SCUBE3: variants seen among roughly 807,000 people sequenced by gnomAD.
SCUBE3 encodes signal peptide, CUB domain and EGF like domain containing 3, also known as signal peptide, CUB and EGF-like domain-containing protein 3.
A neutral mutation model predicts 116.8 loss-of-function variants in SCUBE3; 33 were observed. The observed-to-expected ratio is 0.28, with a 90% CI of 0.21 to 0.38. The LOEUF is 0.38. Ranked by LOEUF, SCUBE3 falls within the 10% of genes least tolerant of loss-of-function variation. The probability of loss-of-function intolerance (pLI) is 1.00; values close to 1 mark genes in which losing one functional copy is unlikely to be tolerated. For synonymous variants in SCUBE3, 418 were observed against 496.9 expected (o/e 0.84, Z 2.11); for missense variants, 1,007 against 1,324.8 (o/e 0.76, Z 3.72).
Position 35,245,298 on chromosome 6 carries a change from C to T in SCUBE3, c.2472C>T (p.Tyr824=). The T allele has an allele frequency of 3.1e-6, 5 of 1,614,102 alleles. No individual in the cohort carries two copies. The highest frequency in any genetic ancestry group is 4.2e-6 in the Non-Finnish European group (5 of 1,179,976). The change falls in exon 19 of 22, where the codon TAC becomes TAT. Residue 824 remains tyrosine (Y), a synonymous_variant. Coordinates refer to ENST00000274938, the MANE Select transcript of SCUBE3 (RefSeq NM_152753.4). This position sits in a 1 kb window ranked among gnomAD's most constrained non-coding sequence, Gnocchi z 4.2. The part of the protein sequence containing the change: ...YIESPNYPGN[Y]PAGVECIWNI... ...AGTCCCCCAACTACCCGGGCAACTACCCAGCTGGTGTGGAGTGCATCTGGA... is the reference window on the plus strand; with the variant it reads ...AGTCCCCCAACTACCCGGGCAACTATCCAGCTGGTGTGGAGTGCATCTGGA...
At chr6:35,226,516 A>AC (rs1179398384) in intron 1 of SCUBE3, among the ~76,000 whole-genome samples, 1 of 99,616 alleles carries the variant, frequency 1.0e-5, no homozygotes, top group Non-Finnish European at 1.7e-5. Context: ...ATAGAGTCTC[A>AC]CTGTCGCCCA....
At position 35,250,202 on chromosome 6, in the gene SCUBE3, T is replaced by C. The variant is rs926400773; in HGVS notation, c.*1497T>C. The C allele has an allele frequency of 3.3e-5, 5 of 152,312 alleles. No homozygotes were observed. The highest frequency in any genetic ancestry group is 7.2e-5 in the African/African-American group (3 of 41,454). 9.4% of individuals were successfully genotyped at this position (152,312 alleles called of 1,614,324 possible). A position where few individuals can be genotyped will look rare whatever the true frequency, so the allele number is the denominator to read the frequency against. On this transcript the variant is annotated 3_prime_UTR_variant, in exon 22 of 22. Transcript: ENST00000274938. ...AGCAGAAAGGAGAGAGACCTATGTT[T>C]GCTAAACCAATCTTGCTATCCCTAT...
chr6:35,248,452 G>A, intron 21 of SCUBE3, 104 bp from the exon 22 acceptor site: 1 of 1,080,844 alleles, frequency 9.3e-7, no homozygotes, highest in Non-Finnish European at 1.4e-6. Flanking sequence ...GATATATTCA[G>A]TATAGGATGC....
In SCUBE3 at chr6:35,228,188, A is replaced by T. The variant is rs1783403114; in HGVS notation, c.209-426A>T. Among the ~76,000 whole-genome samples, 1 of 152,192 alleles carries T rather than the reference A, an allele frequency of 6.6e-6. No individual in the cohort carries two copies. Among genetic ancestry groups the T allele is most frequent in the Non-Finnish European group, 1.5e-5 (1 of 68,034 alleles). ...CTTTAGTGGACAGGGTACACTTGTT[A>T]ATTCCTAGTTGCATTATAAATTGAA... is the stretch of plus-strand genomic sequence containing the variant. On this transcript the variant is annotated intron_variant, in intron 2 of 21. Coordinates refer to ENST00000274938, the MANE Select transcript of SCUBE3 (RefSeq NM_152753.4). This position sits in a 1 kb window ranked among gnomAD's most constrained non-coding sequence, Gnocchi z 4.9.
At position 35,244,866 on chromosome 6, in the gene SCUBE3, A is replaced by C. The variant is rs1784262766; in HGVS notation, c.2401+55A>C. 1.3e-6 allele frequency: 2 copies of C among 1,569,612 alleles called. No homozygotes were observed. Among genetic ancestry groups the C allele is most frequent in the African/African-American group, 2.7e-5 (2 of 74,166 alleles). On this transcript the variant is annotated intron_variant, in intron 18 of 21. Coordinates refer to ENST00000274938, the MANE Select transcript of SCUBE3 (RefSeq NM_152753.4). This position sits in a 1 kb window ranked among gnomAD's most constrained non-coding sequence, Gnocchi z 4.3. ...GAGGAGAGAGGCCTGGGAGCAGTGG[A>C]CATCTAAAGGAGGGGTGTGAAACCA... is the stretch of plus-strand genomic sequence containing the variant.
chr6:35,226,480 CTTTTTT>C lies in SCUBE3; in HGVS notation c.86-1083_86-1078del, dbSNP rs764779695. ...CAGAAGTTGGACTCTTTTCTATGTC[CTTTTTT>C]TTTTTTTTTTTTTTTTGAGATAGAG... On this transcript the variant is annotated intron_variant, in intron 1 of 21. Coordinates refer to ENST00000274938, the MANE Select transcript of SCUBE3 (RefSeq NM_152753.4). Among the ~76,000 whole-genome samples, 25 of 85,234 alleles carry C rather than the reference CTTTTTT, an allele frequency of 2.9e-4. 2 individuals are homozygous for C. In the East Asian group the frequency reaches 0.011, roughly 39 times the overall value. 55.9% of individuals were successfully genotyped at this position (85,234 alleles called of 152,430 possible).
chr6:35,223,852 T>C (rs1783210333), intron 1 of SCUBE3: 1 of 152,218 alleles, frequency 6.6e-6, no homozygotes, highest in African/African-American at 2.4e-5. Flanking sequence ...TTTGGGGCCC[T>C]CTTTCACAGC....
Position 35,235,476 on chromosome 6 carries a change from C to A in SCUBE3, c.712+2175C>A, listed in dbSNP as rs1427239957. ...AGGCGGCTAGAGCAGCACATCCCCACTCAAGCCGTTTCTAATGGTAAATAT... is the reference window on the plus strand; with the variant it reads ...AGGCGGCTAGAGCAGCACATCCCCAATCAAGCCGTTTCTAATGGTAAATAT... On this transcript the variant is annotated intron_variant, in intron 6 of 21. Transcript: ENST00000274938. This position sits in a 1 kb window ranked among gnomAD's most constrained non-coding sequence, Gnocchi z 4.5. 5.4e-6 allele frequency: 7 copies of A among 1,287,454 alleles called. No individual in the cohort carries two copies. The highest frequency in any genetic ancestry group is 7.1e-6 in the Non-Finnish European group (7 of 986,738). The allele number at this position is 1,287,454 out of a possible 1,614,324, so 79.8% of individuals were successfully genotyped here.
At position 35,231,909 on chromosome 6, in the gene SCUBE3, C is replaced by T. The variant is rs749114219; in HGVS notation, c.469+50C>T. The T allele has an allele frequency of 3.9e-6, 6 of 1,538,754 alleles. No homozygotes were observed. The highest frequency in any genetic ancestry group is 4.4e-6 in the Non-Finnish European group (5 of 1,126,144). On this transcript the variant is annotated intron_variant, in intron 4 of 21. Coordinates refer to ENST00000274938, the MANE Select transcript of SCUBE3 (RefSeq NM_152753.4). This position sits in a 1 kb window ranked among gnomAD's most constrained non-coding sequence, Gnocchi z 4.2. ...CCATCCCTGCCCTCCCCAGGCTTCTCTTCCCAGCTGTCCCTCAGCAGCCCC... is the reference window on the plus strand; with the variant it reads ...CCATCCCTGCCCTCCCCAGGCTTCTTTTCCCAGCTGTCCCTCAGCAGCCCC...
intron 1 of SCUBE3, chr6:35,220,517 A>G (rs1438088822): frequency 6.6e-6 from 1 of 152,202 alleles, no homozygotes; most frequent in Non-Finnish European, 1.5e-5. Context: ...CCATCCTCTA[A>G]AAGTCTCTGA....
intron 1 of SCUBE3, among the ~76,000 whole-genome samples, chr6:35,215,550 G>C (rs956982327): frequency 1.3e-5 from 2 of 152,326 alleles, no homozygotes; most frequent in Non-Finnish European, 2.9e-5. Flanking sequence ...GAAGCCAGCT[G>C]GGTGAGGAGA....
In SCUBE3 at chr6:35,231,918, T is replaced by C; in HGVS notation, c.469+59T>C. On this transcript the variant is annotated intron_variant, in intron 4 of 21. Transcript: ENST00000274938. This position sits in a 1 kb window ranked among gnomAD's most constrained non-coding sequence, Gnocchi z 4.2. ...CCCTCCCCAGGCTTCTCTTCCCAGCTGTCCCTCAGCAGCCCCTAAGTCTCA... is the reference window on the plus strand; with the variant it reads ...CCCTCCCCAGGCTTCTCTTCCCAGCCGTCCCTCAGCAGCCCCTAAGTCTCA... The C allele has an allele frequency of 6.7e-7, 1 of 1,491,024 alleles. No homozygotes were observed. The highest frequency in any genetic ancestry group is 9.2e-7 in the Non-Finnish European group (1 of 1,089,028). 92.4% of individuals were successfully genotyped at this position (1,491,024 alleles called of 1,614,324 possible).
rs1335008106 is a variant in SCUBE3 at position 35,240,636 on chromosome 6, G to A, written c.1069+146G>A. ...TGCATCCGCTGTGACAAAATAGGAG[G>A]AATTAAGACAGCTTTTGAAGAACTG... On this transcript the variant is annotated intron_variant, in intron 9 of 21. Transcript: ENST00000274938. This position sits in a 1 kb window ranked among gnomAD's most constrained non-coding sequence, Gnocchi z 4.6. 12 of 533,496 alleles carry A rather than the reference G, an allele frequency of 2.2e-5. No homozygotes were observed. In the East Asian group the frequency reaches 3.3e-4, roughly 15 times the overall value. The allele number at this position is 533,496 out of a possible 1,614,324, so 33.0% of individuals were successfully genotyped here.
chr6:35,228,473 G>A lies in SCUBE3; in HGVS notation c.209-141G>A. 1 of 685,472 alleles carries A rather than the reference G, an allele frequency of 1.5e-6. No individual in the cohort carries two copies. Among genetic ancestry groups the A allele is most frequent in the Non-Finnish European group, 2.4e-6 (1 of 424,960 alleles). The allele number at this position is 685,472 out of a possible 1,614,324, so 42.5% of individuals were successfully genotyped here. A position where few individuals can be genotyped will look rare whatever the true frequency, so the allele number is the denominator to read the frequency against. ...GAGACCTGAAAATGTTCATGACTTA[G>A]GTTTAAATGAAAACAGAAAAATGCT... On this transcript the variant is annotated intron_variant, in intron 2 of 21. Coordinates refer to ENST00000274938, the MANE Select transcript of SCUBE3 (RefSeq NM_152753.4). This position sits in a 1 kb window ranked among gnomAD's most constrained non-coding sequence, Gnocchi z 4.9.
Position 35,243,531 on chromosome 6 carries a change from G to T in SCUBE3, c.1910-63G>T, listed in dbSNP as rs1207326785. Reference sequence around the variant, plus strand: ...GTTGTGGCGGGGAGTGGGAAGGGGAGTCCCAGGCCTGGGTGGTGGGAAATG... The same window carrying T: ...GTTGTGGCGGGGAGTGGGAAGGGGATTCCCAGGCCTGGGTGGTGGGAAATG... On this transcript the variant is annotated intron_variant, in intron 15 of 21. Transcript: ENST00000274938. This position sits in a 1 kb window ranked among gnomAD's most constrained non-coding sequence, Gnocchi z 6.6. 1.4e-6 allele frequency: 2 copies of T among 1,434,338 alleles called. No individual in the cohort carries two copies. Among genetic ancestry groups the T allele is most frequent in the Non-Finnish European group, 1.9e-6 (2 of 1,063,102 alleles). 88.9% of individuals were successfully genotyped at this position (1,434,338 alleles called of 1,614,324 possible).
chr6:35,243,354 C>T lies in SCUBE3; in HGVS notation c.1909+118C>T. 2.1e-6 allele frequency: 2 copies of T among 949,764 alleles called. No homozygotes were observed. The highest frequency in any genetic ancestry group is 3.0e-5 in the South Asian group (2 of 65,962). 58.8% of individuals were successfully genotyped at this position (949,764 alleles called of 1,614,324 possible). A position where few individuals can be genotyped will look rare whatever the true frequency, so the allele number is the denominator to read the frequency against. ...CAAATTATGAGGCAGCCAGGATGCTCCTGCCCGCTGTCCTCCCTTCCTTGG... is the reference window on the plus strand; with the variant it reads ...CAAATTATGAGGCAGCCAGGATGCTTCTGCCCGCTGTCCTCCCTTCCTTGG... On this transcript the variant is annotated intron_variant, in intron 15 of 21. Coordinates refer to ENST00000274938, the MANE Select transcript of SCUBE3 (RefSeq NM_152753.4). This position sits in a 1 kb window ranked among gnomAD's most constrained non-coding sequence, Gnocchi z 6.6.
Position 35,248,907 on chromosome 6 carries a change from T to C in SCUBE3, c.*202T>C, listed in dbSNP as rs1019055667. The C allele has an allele frequency of 3.4e-6, 2 of 584,552 alleles. No homozygotes were observed. The highest frequency in any genetic ancestry group is 3.7e-5 in the African/African-American group (2 of 53,384). 36.2% of individuals were successfully genotyped at this position (584,552 alleles called of 1,614,324 possible). On this transcript the variant is annotated 3_prime_UTR_variant, in exon 22 of 22. Coordinates refer to ENST00000274938, the MANE Select transcript of SCUBE3 (RefSeq NM_152753.4). ...CTCTCTCTGCCTGCCTCTCTACTGT[T>C]CCCCCTTTTCTAACACACTACCTAG...
chr6:35,236,293 G>A lies in SCUBE3; in HGVS notation c.713-1609G>A, dbSNP rs74744505. Among the ~76,000 whole-genome samples, 23 of 152,268 alleles carry A rather than the reference G, an allele frequency of 1.5e-4. No individual in the cohort carries two copies. In the East Asian group the frequency reaches 4.1e-3, roughly 27 times the overall value. On this transcript the variant is annotated intron_variant, in intron 6 of 21. Transcript: ENST00000274938. Reference sequence around the variant, plus strand: ...AGAATGCCGTCCTGCACAGGTGGGCGGCTATGCCCAGCTTTCTGTCCAGCC... The same window carrying A: ...AGAATGCCGTCCTGCACAGGTGGGCAGCTATGCCCAGCTTTCTGTCCAGCC...
At chr6:35,224,270 GA>G (rs1783234625) in intron 1 of SCUBE3, 1 of 152,248 alleles carries the variant, frequency 6.6e-6, no homozygotes, top group Non-Finnish European at 1.5e-5. Flanking sequence ...TAAGCATTGT[GA>G]GCAGGGAGGT....
Sources: gnomAD v4.1 joint callset for allele counts (sites outside exome capture counted in the v4.1 genomes callset) on GRCh38, gnomAD v4.1.1 for gene constraint, Gnocchi (gnomAD v3.1) non-coding constraint, MANE v1.5 for transcripts, NCBI Gene and HGNC (gene_info 2026-07-23, HGNC 2026-07-21) for gene names.